The following ITGAM variants were observed in gnomAD, a reference collection of about 807,000 sequenced individuals.
The protein encoded by ITGAM is integrin subunit alpha M.
A neutral mutation model predicts 137.5 loss-of-function variants in ITGAM; 79 were observed. The observed-to-expected ratio is 0.57, with a 90% confidence interval of 0.48 to 0.69. The LOEUF is 0.69. Among genes scored for constraint, ITGAM ranks in the 30% least tolerant of loss-of-function variants. ITGAM has a pLI of 0.00. For synonymous variants in ITGAM, 583 were observed against 592.3 expected, an observed-to-expected ratio of 0.98 and a Z score of 0.23; for missense variants, 1,343 against 1,483.5, an observed-to-expected ratio of 0.91 and a Z score of 1.56.
chr16:31,281,407 G>T (rs1259614976), intron 12 of ITGAM, among the ~76,000 whole-genome samples: 1 of 152,118 alleles, frequency 6.6e-6, no homozygotes, highest in Non-Finnish European at 1.5e-5. Flanking sequence ...GCCTGCTATT[G>T]GTCTATTCAG....
intron 14 of ITGAM, among the ~76,000 whole-genome samples, chr16:31,303,603 C>G (rs2080237228): frequency 1.3e-5 from 2 of 152,152 alleles, no homozygotes; most frequent in African/African-American, 2.4e-5. Flanking sequence ...CTCTTACCTC[C>G]TCCCAGACTC....
At chr16:31,289,352 A>G (rs2080062219) in intron 12 of ITGAM, among the ~76,000 whole-genome samples, 1 of 152,162 alleles carries the variant, frequency 6.6e-6, no homozygotes, top group East Asian at 1.9e-4. Flanking sequence ...CTTGGAACCA[A>G]CCCAAATGTC....
intron 14 of ITGAM, among the ~76,000 whole-genome samples, chr16:31,312,896 T>C (rs907998409): frequency 2.1e-4 from 32 of 151,134 alleles, no homozygotes; most frequent in African/African-American, 7.5e-4. Flanking sequence ...TTTTTAAATC[T>C]TCATGTTTTT....
chr16:31,329,163 C>T, intron 23 of ITGAM, 65 bp from the exon 24 acceptor site: 1 of 1,079,206 alleles, frequency 9.3e-7, no homozygotes, highest in Non-Finnish European at 1.4e-6. Context: ...CACACTTAGC[C>T]TGAGACACCC....
chr16:31,313,178 A>G (rs939076589), intron 14 of ITGAM, among the ~76,000 whole-genome samples: 4 of 152,214 alleles, frequency 2.6e-5, no homozygotes, highest in African/African-American at 9.6e-5. Context: ...AGACTGCACC[A>G]CTGCACGCCA....
intron 14 of ITGAM, among the ~76,000 whole-genome samples, chr16:31,302,412 CT>C (rs2080208035): frequency 1.9e-5 from 2 of 105,308 alleles, no homozygotes; most frequent in African/African-American, 1.1e-4. Context: ...TTTCTTTTTT[CT>C]TTCTTTCTTT....
Position 31,260,079 on chromosome 16 carries a change from C to A in ITGAM, c.15C>A (p.Val5=), listed in dbSNP as rs1416363796. Residue 5 remains valine (V), a synonymous_variant, in exon 1 of 30, where the codon GTC becomes GTA. Coordinates refer to ENST00000544665, the MANE Select transcript of ITGAM (RefSeq NM_000632.4). Reference sequence around the variant, plus strand: ...TCCTTCCAGCCATGGCTCTCAGAGTCCTTCTGTTAACAGGTGCATGGGGGT... The same window carrying A: ...TCCTTCCAGCCATGGCTCTCAGAGTACTTCTGTTAACAGGTGCATGGGGGT... The part of the protein sequence containing the change: MALR[V]LLLTALTLCH... 1.3e-6 allele frequency: 2 copies of A among 1,578,504 alleles called. No individual in the cohort carries two copies. The highest frequency in any genetic ancestry group is 8.6e-7 in the Non-Finnish European group (1 of 1,161,300).
intron 5 of ITGAM, 41 bp from the exon 6 acceptor site, chr16:31,270,913 G>C (rs2079832163): frequency 1.4e-6 from 2 of 1,382,770 alleles, no homozygotes; most frequent in Admixed American, 5.0e-5. Context: ...AAAACACCAA[G>C]TGTCAAATTA....
chr16:31,261,698 C>T lies in ITGAM; in HGVS notation c.35C>T (p.Thr12Ile). Reference protein sequence around the residue: ...ALRVLLLTALTLCHGFNLDTE... With the variant: ...ALRVLLLTALILCHGFNLDTE... ...TCCCCCATTCTCCCTTTAGCCTTGACCTTATGTCATGGGTTCAACTTGGAC... is the reference window on the plus strand; with the variant it reads ...TCCCCCATTCTCCCTTTAGCCTTGATCTTATGTCATGGGTTCAACTTGGAC... The change falls in exon 2 of 30, where the codon ACC becomes ATC. Residue 12 changes from threonine to isoleucine, a missense_variant. By Grantham distance (89) the Thr-to-Ile change is moderately conservative. Transcript: ENST00000544665. 1.2e-6 allele frequency: 2 copies of T among 1,609,388 alleles called. No homozygotes were observed. Among genetic ancestry groups the T allele is most frequent in the Non-Finnish European group, 8.5e-7 (1 of 1,177,376 alleles).
At chr16:31,287,124 T>C (rs1452904786) in intron 12 of ITGAM, among the ~76,000 whole-genome samples, 2 of 152,196 alleles carry the variant, frequency 1.3e-5, no homozygotes. Context: ...CTCCACACTC[T>C]TTATTGAATA....
intron 12 of ITGAM, among the ~76,000 whole-genome samples, chr16:31,286,103 G>A (rs765960036): frequency 2.0e-5 from 3 of 151,974 alleles, no homozygotes; most frequent in Non-Finnish European, 4.4e-5. Flanking sequence ...TGCAGTATTT[G>A]ATTTTCTGTT....
Position 31,271,876 on chromosome 16 carries a change from C to T in ITGAM, c.588C>T (p.Phe196=), listed in dbSNP as rs754939041. Residue 196 remains phenylalanine, a synonymous_variant, in exon 7 of 30, where the codon TTC becomes TTT. Coordinates refer to ENST00000544665, the MANE Select transcript of ITGAM (RefSeq NM_000632.4). ...CTTTGATGCAGTACTCTGAAGAATT[C>T]CGGATTCACTTTACCTTCAAAGAGT... ...LFSLMQYSEE[F]RIHFTFKEFQ... is the part of the protein sequence containing the mutation. 6.2e-7 allele frequency: 1 copy of T among 1,613,878 alleles called. No homozygotes were observed. Among genetic ancestry groups the T allele is most frequent in the African/African-American group, 1.3e-5 (1 of 74,916 alleles).
Position 31,271,952 on chromosome 16 carries a change from C to T in ITGAM, c.664C>T (p.Leu222Phe). The change falls in exon 7 of 30, where the codon CTT becomes TTT. Residue 222 changes from leucine (L) to phenylalanine (F), a missense_variant. Physicochemically the swap from Leu to Phe is conservative, Grantham distance 22. Transcript: ENST00000544665. ...ACTGGTGAAGCCAATAACGCAGCTG[C>T]TTGGGCGGACACACACGGCCACGGG... ...RSLVKPITQL[L>F]GRTHTATGIR... 1 of 1,613,878 alleles carries T rather than the reference C, an allele frequency of 6.2e-7. No individual in the cohort carries two copies. Among genetic ancestry groups the T allele is most frequent in the South Asian group, 1.1e-5 (1 of 91,088 alleles).
At chr16:31,325,959 G>A (rs189326933) in intron 21 of ITGAM, among the ~76,000 whole-genome samples, 15 of 152,152 alleles carry the variant, frequency 9.9e-5, no homozygotes, top group Admixed American at 5.9e-4. Context: ...CCAGCTACTC[G>A]GGAGGCTAGG....
chr16:31,306,286 C>G (rs1289625480), intron 14 of ITGAM, among the ~76,000 whole-genome samples: 1 of 152,002 alleles, frequency 6.6e-6, no homozygotes, highest in Non-Finnish European at 1.5e-5. Flanking sequence ...ATTTTAGCTC[C>G]TCCTCCATCA....
At chr16:31,329,092 C>A in intron 23 of ITGAM, 136 bp from the exon 24 acceptor site, 1 of 632,234 alleles carries the variant, frequency 1.6e-6, no homozygotes, top group Non-Finnish European at 2.9e-6. Flanking sequence ...CCCCTGCACC[C>A]CACCCCATCT....
intron 24 of ITGAM, among the ~76,000 whole-genome samples, 160 bp from the exon 25 acceptor site, chr16:31,329,638 G>T (rs1007557916): frequency 1.3e-5 from 2 of 152,104 alleles, no homozygotes; most frequent in African/African-American, 4.8e-5. Flanking sequence ...AGACCAGGCC[G>T]TGTGGCACTG....
In ITGAM at chr16:31,271,084, G is replaced by A; in HGVS notation, c.558G>A (p.Leu186=). 2 of 1,561,552 alleles carry A rather than the reference G, an allele frequency of 1.3e-6. No homozygotes were observed. The highest frequency in any genetic ancestry group is 1.7e-6 in the Non-Finnish European group (2 of 1,148,484). The change falls in exon 6 of 30, where the codon TTG becomes TTA. Residue 186 remains leucine, a splice_region_variant and synonymous_variant. Transcript: ENST00000544665. ...AGCAATTAAAAAAGTCCAAAACCTT[G>A]GTGAGGGCCCAGGGGTAGGTTAGGG... is the stretch of plus-strand genomic sequence containing the variant. ...VMEQLKKSKT[L]FSLMQYSEEF...
rs2079872906 is a variant in ITGAM at position 31,273,391 on chromosome 16, G to C, written c.731G>C (p.Gly244Ala). The C allele has an allele frequency of 6.2e-7, 1 of 1,613,672 alleles. No homozygotes were observed. The highest frequency in any genetic ancestry group is 8.5e-7 in the Non-Finnish European group (1 of 1,179,850). The change falls in exon 8 of 30, where the codon GGA becomes GCA. Residue 244 changes from glycine to alanine, a missense_variant. Coordinates refer to ENST00000544665, the MANE Select transcript of ITGAM (RefSeq NM_000632.4). ...CGAGAGCTGTTTAACATCACCAACG[G>C]AGCCCGAAAGAATGCCTTTAAGATC... ...VVRELFNITNGARKNAFKILV... is the reference protein window; with the variant it reads ...VVRELFNITNAARKNAFKILV...
Sources: allele counts gnomAD v4.1 joint callset (sites outside exome capture counted in the v4.1 genomes callset), GRCh38; gene constraint gnomAD v4.1.1; transcripts MANE v1.5; gene names NCBI Gene and HGNC (gene_info 2026-07-23, HGNC 2026-07-21).